Variants in ANO10 observed in about 807,000 individuals in gnomAD.
ANO10 encodes the protein anoctamin-10.
A neutral mutation model predicts 74.7 loss-of-function variants in ANO10; 77 were observed. The ratio of observed to expected loss-of-function variants is 1.03; its 90% confidence interval spans 0.86 to 1.25. The LOEUF (loss-of-function observed/expected upper bound fraction) is 1.25. Among genes scored for constraint, ANO10 ranks in the 50% most tolerant of loss-of-function variants. The pLI is 0.00. For missense variants in ANO10, 721 were observed against 778.1 expected, an observed-to-expected ratio of 0.93 and a Z score of 0.87; for synonymous variants, 279 against 284.9, an observed-to-expected ratio of 0.98 and a Z score of 0.21.
chr3:43,690,982 C>A (rs889955892), intron 1 of ANO10: 4 of 1,570,198 alleles, frequency 2.5e-6, no homozygotes, highest in Non-Finnish European at 2.6e-6. Flanking sequence ...GGCGCTTGCG[C>A]GGCGGCGGCT....
At chr3:43,471,536 C>G (rs10461013) in intron 11 of ANO10, among the ~76,000 whole-genome samples, 68,592 of 151,940 alleles carry the variant, frequency 0.45, 18,334 homozygotes, top group East Asian at 0.77. Flanking sequence ...TGATACGCTC[C>G]CATAGGTACT....
chr3:43,504,395 C>A (rs186737549), intron 11 of ANO10, among the ~76,000 whole-genome samples: 7 of 151,184 alleles, frequency 4.6e-5, no homozygotes, highest in Non-Finnish European at 7.4e-5. Flanking sequence ...TGAAAAAAAA[C>A]CAGTGCAAAT....
chr3:43,523,427 AT>A (rs2078046919), intron 11 of ANO10, among the ~76,000 whole-genome samples: 1 of 152,194 alleles, frequency 6.6e-6, no homozygotes, highest in African/African-American at 2.4e-5. Flanking sequence ...CAGAATAATC[AT>A]TTTAGCAGCA....
intron 11 of ANO10, among the ~76,000 whole-genome samples, chr3:43,517,600 G>A (rs879550713): frequency 6.6e-6 from 1 of 152,114 alleles, no homozygotes; most frequent in Non-Finnish European, 1.5e-5. Flanking sequence ...GGTCATGTTA[G>A]GATATAGCAA....
At chr3:43,461,404 G>C (rs893366890) in intron 11 of ANO10, among the ~76,000 whole-genome samples, 4 of 152,122 alleles carry the variant, frequency 2.6e-5, no homozygotes. Flanking sequence ...CAGTTTTATT[G>C]GGAAAGTATA....
chr3:43,491,805 AATAAT>A (rs748554810), intron 11 of ANO10, among the ~76,000 whole-genome samples: 10 of 152,222 alleles, frequency 6.6e-5, no homozygotes, highest in Non-Finnish European at 1.3e-4. Context: ...GATATAATAT[AATAAT>A]ATAACATGGT....
intron 1 of ANO10, among the ~76,000 whole-genome samples, chr3:43,646,529 AC>A (rs2083728245): frequency 6.6e-6 from 1 of 152,024 alleles, no homozygotes; most frequent in African/African-American, 2.4e-5. Flanking sequence ...AGTAGTCTCT[AC>A]TTTTTGTTTG....
Position 43,598,591 on chromosome 3 carries a change from T to G in ANO10, c.413A>C (p.Lys138Thr). The G allele has an allele frequency of 6.2e-7, 1 of 1,612,872 alleles. No individual in the cohort carries two copies. Among genetic ancestry groups the G allele is most frequent in the Non-Finnish European group, 8.5e-7 (1 of 1,179,458 alleles). Residue 138 changes from lysine to threonine, a missense_variant, in exon 4 of 13, where the codon AAA becomes ACA. Physicochemically the swap from Lys to Thr is moderately conservative, Grantham distance 78. Transcript: ENST00000292246. Reference sequence around the variant, plus strand: ...GTAACCAGGGATCATTTTTTCATCTTTAGCTCTAAGATTTTCAAGTTCATG... The same window carrying G: ...GTAACCAGGGATCATTTTTTCATCTGTAGCTCTAAGATTTTCAAGTTCATG... ...IKHELENLRA[K>T]DEKMIPGYPQ...
At chr3:43,530,019 T>A (rs982090403) in intron 11 of ANO10, among the ~76,000 whole-genome samples, 3 of 152,202 alleles carry the variant, frequency 2.0e-5, no homozygotes, top group South Asian at 2.1e-4. Flanking sequence ...CCCAATTCTA[T>A]GCTGTATACA....
chr3:43,501,013 G>T (rs1188568000), intron 11 of ANO10, among the ~76,000 whole-genome samples: 1 of 152,198 alleles, frequency 6.6e-6, no homozygotes, highest in African/African-American at 2.4e-5. Context: ...GAAATTAGTT[G>T]TATTCTGAAA....
At chr3:43,468,325 T>C (rs887105940) in intron 11 of ANO10, among the ~76,000 whole-genome samples, 2 of 152,152 alleles carry the variant, frequency 1.3e-5, no homozygotes, top group Non-Finnish European at 2.9e-5. Flanking sequence ...ACATGGGCCC[T>C]TGGGAAATGC....
intron 11 of ANO10, among the ~76,000 whole-genome samples, chr3:43,468,347 T>C (rs1174896579): frequency 2.0e-5 from 3 of 152,158 alleles, no homozygotes; most frequent in East Asian, 1.9e-4. Context: ...GAAAGGCTTA[T>C]CTCTGACCCA....
intron 5 of ANO10, among the ~76,000 whole-genome samples, chr3:43,578,403 C>A (rs1206342170): frequency 6.6e-6 from 1 of 152,128 alleles, no homozygotes; most frequent in Non-Finnish European, 1.5e-5. Flanking sequence ...TCCACTACCA[C>A]CCCATGCCTA....
At chr3:43,379,769 G>A (rs1457849097) in intron 12 of ANO10, among the ~76,000 whole-genome samples, 1 of 152,116 alleles carries the variant, frequency 6.6e-6, no homozygotes, top group African/African-American at 2.4e-5. Flanking sequence ...ATACAGCAGA[G>A]GCAAGGTTGT....
chr3:43,387,877 C>G (rs975236570), intron 12 of ANO10, among the ~76,000 whole-genome samples: 1 of 152,052 alleles, frequency 6.6e-6, no homozygotes, highest in Non-Finnish European at 1.5e-5. Context: ...GCTTGTACCC[C>G]CAGGGAGAGG....
At chr3:43,681,888 A>C (rs1326773951) in intron 1 of ANO10, among the ~76,000 whole-genome samples, 1 of 152,252 alleles carries the variant, frequency 6.6e-6, no homozygotes, top group Non-Finnish European at 1.5e-5. Flanking sequence ...CAATGAGAAC[A>C]AAGACACAAC....
chr3:43,372,603 C>A (rs2091653723), intron 12 of ANO10: 5 of 486,812 alleles, frequency 1.0e-5, no homozygotes, highest in Non-Finnish European at 1.8e-5. Flanking sequence ...TCCTCCTCAT[C>A]CCTCTATTTC....
intron 1 of ANO10, among the ~76,000 whole-genome samples, chr3:43,678,221 A>C (rs527583162): frequency 1.3e-5 from 2 of 152,240 alleles, no homozygotes; most frequent in Non-Finnish European, 2.9e-5. Flanking sequence ...CATCTATTGA[A>C]TAATGCAGTA....
At chr3:43,431,372 C>T (rs910273636) in intron 12 of ANO10, among the ~76,000 whole-genome samples, 6 of 151,842 alleles carry the variant, frequency 4.0e-5, no homozygotes, top group Non-Finnish European at 8.8e-5. Flanking sequence ...TGCACCCAGC[C>T]TAATCCTCTG....
Sources: gnomAD v4.1 joint callset for allele counts (sites outside exome capture counted in the v4.1 genomes callset) on GRCh38, gnomAD v4.1.1 for gene constraint, MANE v1.5 for transcripts, NCBI Gene and HGNC (gene_info 2026-07-23, HGNC 2026-07-21) for gene names.